The following NKAIN3 variants were observed in gnomAD, a reference collection of about 807,000 sequenced individuals.
NKAIN3 encodes sodium/potassium transporting ATPase interacting 3.
Under a neutral mutation model 30.2 loss-of-function variants are expected in NKAIN3, and 25 were observed. The observed-to-expected ratio is 0.83, with a 90% CI of 0.60 to 1.16. The LOEUF (loss-of-function observed/expected upper bound fraction) is 1.16. Ranked by LOEUF, NKAIN3 falls within the 50% of genes most tolerant of loss-of-function variation. NKAIN3 has a pLI of 0.00. For missense variants in NKAIN3, 225 were observed against 254.1 expected (o/e 0.89, Z 0.78); for synonymous variants, 91 against 89.6 (o/e 1.02, Z -0.09).
At chr8:62,901,957 A>C (rs530274777) in intron 4 of NKAIN3, among the ~76,000 whole-genome samples, 2 of 152,288 alleles carry the variant, frequency 1.3e-5, no homozygotes, top group African/African-American at 4.8e-5. Flanking sequence ...ATGGCTCCTT[A>C]TTGGCTAAGT....
intron 3 of NKAIN3, among the ~76,000 whole-genome samples, chr8:62,640,228 A>G (rs963159560): frequency 6.6e-6 from 1 of 152,028 alleles, no homozygotes; most frequent in Non-Finnish European, 1.5e-5. Context: ...TGTAATCCCC[A>G]CATGTCAAGG....
At position 62,427,088 on chromosome 8, in the gene NKAIN3, G is replaced by C. The variant is rs1386574923; in HGVS notation, c.55-152451G>C. 2.0e-5 allele frequency among the ~76,000 whole-genome samples: 3 copies of C among 152,016 alleles called. No homozygotes were observed. In the East Asian group the frequency reaches 5.8e-4, roughly 29 times the overall value. On this transcript the variant is annotated intron_variant, in intron 1 of 6. Transcript: ENST00000623646. ...AAGCCTGTCAGAGGGAGCTCAAGAT[G>C]GCCAATGGGCCCATTTCTCAATCCA...
At chr8:62,846,918 G>T (rs1819705652) in intron 4 of NKAIN3, among the ~76,000 whole-genome samples, 1 of 152,064 alleles carries the variant, frequency 6.6e-6, no homozygotes, top group Non-Finnish European at 1.5e-5. Context: ...CTTGTGCAGG[G>T]TAACTCCCAT....
intron 1 of NKAIN3, among the ~76,000 whole-genome samples, chr8:62,555,791 C>T (rs1233903034): frequency 6.6e-6 from 1 of 151,940 alleles, no homozygotes; most frequent in African/African-American, 2.4e-5. Flanking sequence ...TGTAGTCAAT[C>T]TTCAAAACTT....
intron 4 of NKAIN3, among the ~76,000 whole-genome samples, chr8:62,824,303 G>C (rs574162470): frequency 2.0e-5 from 3 of 152,122 alleles, no homozygotes; most frequent in East Asian, 3.9e-4. Context: ...AATTTGAGTG[G>C]CATGCCACTA....
intron 1 of NKAIN3, among the ~76,000 whole-genome samples, chr8:62,572,361 T>C (rs1199728553): frequency 2.0e-5 from 3 of 152,198 alleles, no homozygotes; most frequent in African/African-American, 7.2e-5. Flanking sequence ...ATCAGTATTT[T>C]TGTCAAAGAC....
intron 6 of NKAIN3, among the ~76,000 whole-genome samples, chr8:62,964,537 A>AGTGTGTGTGT (rs56313500): frequency 7.7e-4 from 103 of 133,226 alleles, no homozygotes; most frequent in Middle Eastern, 3.9e-3. Context: ...AGAGAGAGAG[A>AGTGTGTGTGT]GTGTGTGTGT....
At chr8:62,487,439 CA>C (rs1806937796) in intron 1 of NKAIN3, among the ~76,000 whole-genome samples, 1 of 152,150 alleles carries the variant, frequency 6.6e-6, no homozygotes, top group African/African-American at 2.4e-5. Context: ...GCAATATGGA[CA>C]ATGTCATTCT....
intron 1 of NKAIN3, among the ~76,000 whole-genome samples, chr8:62,562,428 G>C (rs1025004791): frequency 6.6e-6 from 1 of 152,082 alleles, no homozygotes; most frequent in African/African-American, 2.4e-5. Flanking sequence ...AAAATGCAAG[G>C]TTACAGCAGA....
intron 3 of NKAIN3, among the ~76,000 whole-genome samples, chr8:62,640,935 G>A (rs1017759463): frequency 6.6e-6 from 1 of 152,018 alleles, no homozygotes; most frequent in Non-Finnish European, 1.5e-5. Context: ...TTTAACCCCA[G>A]TAATGTCTAA....
intron 1 of NKAIN3, among the ~76,000 whole-genome samples, chr8:62,544,613 C>T (rs1413857035): frequency 1.3e-5 from 2 of 150,390 alleles, no homozygotes; most frequent in South Asian, 4.2e-4. Context: ...TTAGATTCCC[C>T]TTTCAGCCCT....
chr8:62,302,928 G>C (rs1195918117), intron 1 of NKAIN3, among the ~76,000 whole-genome samples: 3 of 150,230 alleles, frequency 2.0e-5, no homozygotes, highest in African/African-American at 7.6e-5. Flanking sequence ...ACTCCTCCCA[G>C]ATTGTGTCAC....
At chr8:62,573,023 A>G (rs894352925) in intron 1 of NKAIN3, among the ~76,000 whole-genome samples, 3 of 152,190 alleles carry the variant, frequency 2.0e-5, no homozygotes, top group African/African-American at 7.2e-5. Flanking sequence ...GGCATGGCTA[A>G]TGATTCATAG....
chr8:62,960,707 G>A (rs1168725520), intron 6 of NKAIN3, among the ~76,000 whole-genome samples: 7 of 144,546 alleles, frequency 4.8e-5, no homozygotes, highest in Non-Finnish European at 7.5e-5. Flanking sequence ...CAATATACAG[G>A]AAAGATTACA....
chr8:62,883,353 C>T (rs779912586), intron 4 of NKAIN3, among the ~76,000 whole-genome samples: 3 of 151,698 alleles, frequency 2.0e-5, no homozygotes, highest in Non-Finnish European at 4.4e-5. Flanking sequence ...ATTGCAAATG[C>T]CACTTATTCA....
chr8:62,889,505 G>C (rs988227627), intron 4 of NKAIN3, among the ~76,000 whole-genome samples: 3 of 152,276 alleles, frequency 2.0e-5, no homozygotes, highest in Admixed American at 2.0e-4. Context: ...GTAAATAGTA[G>C]ATTCTCCCAA....
At chr8:62,453,142 T>C (rs534242574) in intron 1 of NKAIN3, among the ~76,000 whole-genome samples, 260 of 152,314 alleles carry the variant, frequency 1.7e-3, no homozygotes, top group African/African-American at 5.9e-3. Context: ...TTTAAAAAGA[T>C]GTATATAAAC....
At chr8:62,741,409 AGGAAGGAAG>A (rs1563540759) in intron 3 of NKAIN3, among the ~76,000 whole-genome samples, 1 of 144,742 alleles carries the variant, frequency 6.9e-6, no homozygotes, top group African/African-American at 2.8e-5. Flanking sequence ...GAAGGAAGGA[AGGAAGGAAG>A]GAAGGCAGGC....
chr8:62,325,502 G>A (rs1815085904), intron 1 of NKAIN3, among the ~76,000 whole-genome samples: 1 of 152,038 alleles, frequency 6.6e-6, no homozygotes, highest in South Asian at 2.1e-4. Context: ...ATACCTAGCA[G>A]TGAGATTGCT....
Sources: allele counts gnomAD v4.1 joint callset (sites outside exome capture counted in the v4.1 genomes callset), GRCh38; gene constraint gnomAD v4.1.1; transcripts MANE v1.5; gene names NCBI Gene and HGNC (gene_info 2026-07-23, HGNC 2026-07-21).